Variants in URB1 observed in about 807,000 individuals in gnomAD.
URB1 encodes the protein URB1 ribosome biogenesis factor.
URB1 carries 197 observed loss-of-function variants against 242.3 expected under a neutral mutation model. The ratio of observed to expected loss-of-function variants is 0.81; its 90% CI spans 0.72 to 0.91. The LOEUF is 0.91. URB1 is among the 40% of genes least tolerant of loss of function. The pLI, the probability that URB1 is intolerant of heterozygous loss-of-function variation, is 0.00. For missense variants in URB1, 2,721 were observed against 2,860.5 expected (o/e 0.95, Z 1.11); for synonymous variants, 1,153 against 1,201.8 (o/e 0.96, Z 0.84).
At chr21:32,385,720 C>A in intron 1 of URB1, 36 bp from the exon 2 acceptor site, 1 of 1,547,800 alleles carries the variant, frequency 6.5e-7, no homozygotes, top group South Asian at 1.2e-5. Context: ...TTAACAAGGT[C>A]AGTCTTCTTA....
At chr21:32,328,030 A>C (rs1010248514) in intron 30 of URB1, among the ~76,000 whole-genome samples, 2 of 152,260 alleles carry the variant, frequency 1.3e-5, no homozygotes, top group African/African-American at 4.8e-5. Flanking sequence ...TGCTGCCTTC[A>C]AGAAACCCAT....
At chr21:32,345,210 C>T (rs1166739169) in intron 23 of URB1, among the ~76,000 whole-genome samples, 164 bp downstream of exon 23, 1 of 152,052 alleles carries the variant, frequency 6.6e-6, no homozygotes, top group Non-Finnish European at 1.5e-5. Flanking sequence ...TGGAGATGTA[C>T]AAGCTCCAGG....
At chr21:32,364,262 G>C (rs1198610515) in intron 10 of URB1, among the ~76,000 whole-genome samples, 1 of 152,086 alleles carries the variant, frequency 6.6e-6, no homozygotes, top group South Asian at 2.1e-4. Context: ...TAGTCACAGT[G>C]TGTTCTGGGG....
At chr21:32,377,251 T>A in intron 5 of URB1, 1 of 518,778 alleles carries the variant, frequency 1.9e-6, no homozygotes, top group Non-Finnish European at 3.8e-6. Context: ...GGTTCAGGGC[T>A]ACAGTTTGCT....
intron 25 of URB1, among the ~76,000 whole-genome samples, chr21:32,339,849 C>T (rs1039384116): frequency 2.0e-5 from 3 of 152,156 alleles, no homozygotes; most frequent in African/African-American, 7.2e-5. Flanking sequence ...TTAGTGGAAA[C>T]GCCAGGAGGC....
intron 15 of URB1, among the ~76,000 whole-genome samples, chr21:32,356,037 A>G (rs1359462309): frequency 3.3e-5 from 5 of 152,186 alleles, no homozygotes; most frequent in Non-Finnish European, 5.9e-5. Flanking sequence ...TCAACATAAC[A>G]TCCCCAATTG....
In URB1 at chr21:32,337,509, G is replaced by C; in HGVS notation, c.4516C>G (p.Leu1506Val). 1.3e-6 allele frequency: 2 copies of C among 1,551,538 alleles called. No individual in the cohort carries two copies. The highest frequency in any genetic ancestry group is 1.7e-6 in the Non-Finnish European group (2 of 1,146,930). ...ESPDSQVKEA[L>V]VDLMLTVVEM... ...ACCACCGTCAGCATCAGGTCCACCA[G>C]CGCTTCTGCAAGAAAACAACCCTGA... Residue 1506 changes from leucine (L) to valine (V), a missense_variant, in exon 27 of 39, where the codon CTG becomes GTG. Physicochemically the swap from Leu to Val is conservative, Grantham distance 32 (BLOSUM62 1). Transcript: ENST00000382751.
intron 18 of URB1, 81 bp from the exon 19 acceptor site, chr21:32,352,987 A>G: frequency 6.3e-6 from 9 of 1,418,056 alleles, no homozygotes; most frequent in Non-Finnish European, 8.4e-6. Context: ...CTTCTTCCAC[A>G]TACAGGCAAG....
In URB1 at chr21:32,345,592, AAGG is replaced by A. The variant is rs1291403965; in HGVS notation, c.3869-20_3869-18del. ...CGGAAGACACTAGGGCAGAGATACA[AAGG>A]AGAAGTCATCACACCCAATGGTGGG... On this transcript the variant is annotated intron_variant, in intron 22 of 38. Transcript: ENST00000382751. 2.0e-6 allele frequency: 3 copies of A among 1,521,816 alleles called. No homozygotes were observed. Among genetic ancestry groups the A allele is most frequent in the Admixed American group, 2.0e-5 (1 of 49,770 alleles). The allele number at this position is 1,521,816 out of a possible 1,614,324, so 94.3% of individuals were successfully genotyped here.
chr21:32,354,004 G>A lies in URB1; in HGVS notation c.2345C>T (p.Pro782Leu). The stretch of plus-strand genomic sequence containing the variant: ...GGCCGCAGGGACTACCGCACTGAAT[G>A]GGAACGTGAGCAGGATCATGTCTTC... ...LSEDMILLTF[P>L]FSAVVPAALE... Residue 782 changes from proline (P) to leucine (L), a missense_variant, in exon 18 of 39, where the codon CCA becomes CTA. By Grantham distance (98) the Pro-to-Leu change is moderately conservative. Coordinates refer to ENST00000382751, the MANE Select transcript of URB1 (RefSeq NM_014825.3). The A allele has an allele frequency of 6.4e-7, 1 of 1,551,754 alleles. No individual in the cohort carries two copies. The highest frequency in any genetic ancestry group is 2.0e-5 in the Admixed American group (1 of 51,006).
At chr21:32,359,481 T>C (rs1381885676) in intron 14 of URB1, among the ~76,000 whole-genome samples, 1 of 152,256 alleles carries the variant, frequency 6.6e-6, no homozygotes, top group Non-Finnish European at 1.5e-5. Flanking sequence ...GAATGTATTT[T>C]ATTTTGTTTA....
intron 35 of URB1, among the ~76,000 whole-genome samples, chr21:32,320,087 C>T (rs1466746532): frequency 6.6e-6 from 1 of 152,210 alleles, no homozygotes; most frequent in East Asian, 1.9e-4. Context: ...TCACTGAGGA[C>T]AGAGACCCTG....
At chr21:32,378,638 C>T (rs1426415080) in intron 4 of URB1, 97 bp from the exon 5 acceptor site, 1 of 934,764 alleles carries the variant, frequency 1.1e-6, no homozygotes, top group Non-Finnish European at 1.7e-6. Flanking sequence ...CCCGTCTCAA[C>T]ATCACCAGCC....
At position 32,317,932 on chromosome 21, in the gene URB1, A is replaced by G. The variant is rs750660976; in HGVS notation, c.5793-15T>C. On this transcript the variant is annotated splice_polypyrimidine_tract_variant and intron_variant, in intron 36 of 38. Coordinates refer to ENST00000382751, the MANE Select transcript of URB1 (RefSeq NM_014825.3). ...CCAAGGTGGGCCTGTTTGGGAGTCA[A>G]TGTTACAGACTGAGCAAAGGCTGCT... The G allele has an allele frequency of 6.4e-6, 10 of 1,551,196 alleles. No homozygotes were observed. The highest frequency in any genetic ancestry group is 1.4e-5 in the African/African-American group (1 of 73,016).
intron 25 of URB1, among the ~76,000 whole-genome samples, chr21:32,339,713 G>T (rs1369032793): frequency 1.3e-5 from 2 of 151,686 alleles, no homozygotes; most frequent in Non-Finnish European, 2.9e-5. Context: ...GGATGGTCTC[G>T]ATCTTCTGAC....
intron 13 of URB1, 112 bp downstream of exon 13, chr21:32,360,895 G>C: frequency 1.5e-6 from 1 of 650,694 alleles, no homozygotes; most frequent in South Asian, 2.3e-5. Context: ...CAGGCTGACG[G>C]ATGAGCACGC....
intron 1 of URB1, among the ~76,000 whole-genome samples, chr21:32,392,539 T>A (rs771942190): frequency 5.9e-5 from 9 of 152,164 alleles, no homozygotes; most frequent in Admixed American, 2.6e-4. Flanking sequence ...AATAAATGTG[T>A]TGTAACATGA....
At chr21:32,391,427 T>G (rs976788543) in intron 1 of URB1, among the ~76,000 whole-genome samples, 2 of 152,004 alleles carry the variant, frequency 1.3e-5, no homozygotes, top group Non-Finnish European at 2.9e-5. Context: ...AGCTCCCAGA[T>G]TAGATCCAAG....
At chr21:32,373,562 G>A (rs1389301515) in intron 7 of URB1, 85 bp downstream of exon 7, 1 of 1,402,424 alleles carries the variant, frequency 7.1e-7, no homozygotes, top group Non-Finnish European at 9.4e-7. Flanking sequence ...TTCAAGTCTG[G>A]TGCGGTGTTG....
Sources: gnomAD v4.1 joint callset for allele counts (sites outside exome capture counted in the v4.1 genomes callset) on GRCh38, gnomAD v4.1.1 for gene constraint, MANE v1.5 for transcripts, NCBI Gene and HGNC (gene_info 2026-07-23, HGNC 2026-07-21) for gene names.